The following ADAP1 variants were observed in gnomAD, a reference collection of about 807,000 sequenced individuals.
ADAP1 encodes the protein arf-GAP with dual PH domain-containing protein 1.
A neutral mutation model predicts 54.9 loss-of-function variants in ADAP1; 31 were observed. The ratio of observed to expected loss-of-function variants is 0.56; its 90% CI spans 0.42 to 0.76. The LOEUF (loss-of-function observed/expected upper bound fraction) is 0.76, where lower values mean the gene tolerates loss of function less well. ADAP1 is among the 30% of genes least tolerant of loss of function. The probability of loss-of-function intolerance (pLI) is 0.00; values close to 1 mark genes in which losing one functional copy is unlikely to be tolerated. For missense variants in ADAP1, 535 were observed against 512.4 expected (o/e 1.04, Z -0.42); for synonymous variants, 313 against 202.6 (o/e 1.55, Z -4.63).
chr7:941,027 ACT>A (rs1846926682), intron 1 of ADAP1, among the ~76,000 whole-genome samples: 1 of 152,068 alleles, frequency 6.6e-6, no homozygotes, highest in Non-Finnish European at 1.5e-5. Context: ...TCCTGATAAA[ACT>A]CTCAGAAAAC....
intron 2 of ADAP1, among the ~76,000 whole-genome samples, chr7:933,010 G>A (rs1036105844): frequency 1.3e-5 from 2 of 152,248 alleles, no homozygotes; most frequent in Admixed American, 6.5e-5. Context: ...GGTGGCTCAC[G>A]CCTGTCATCC....
In ADAP1 at chr7:900,620, G is replaced by GGGGCAAAGGTGGGCACAGGCTT. The variant is rs1554270283; in HGVS notation, c.649-26_649-5dup. On this transcript the variant is annotated splice_polypyrimidine_tract_variant and splice_region_variant and intron_variant, in intron 6 of 10. Coordinates refer to ENST00000265846, the MANE Select transcript of ADAP1 (RefSeq NM_006869.4). ...CATTGAACCAGTCCACAATCTCCTAGGGGCAAAGGTGGGCACAGGCTTGGG... is the reference window on the plus strand; with the variant it reads ...CATTGAACCAGTCCACAATCTCCTAGGGGCAAAGGTGGGCACAGGCTTGGGCAAAGGTGGGCACAGGCTTGGG... 7 of 1,515,818 alleles carry GGGGCAAAGGTGGGCACAGGCTT rather than the reference G, an allele frequency of 4.6e-6. No homozygotes were observed. In the South Asian group the frequency reaches 8.1e-5, roughly 18 times the overall value. The allele number at this position is 1,515,818 out of a possible 1,614,324, so 93.9% of individuals were successfully genotyped here.
At chr7:932,202 G>A (rs1583175106) in intron 2 of ADAP1, among the ~76,000 whole-genome samples, 2 of 152,288 alleles carry the variant, frequency 1.3e-5, no homozygotes, top group East Asian at 1.9e-4. Flanking sequence ...AGGCCCCATC[G>A]CACCAGACCT....
Position 914,858 on chromosome 7 carries a change from G to T in ADAP1, c.388+5110C>A, listed in dbSNP as rs377140349. 2.7e-3 allele frequency among the ~76,000 whole-genome samples: 412 copies of T among 152,172 alleles called. 3 individuals are homozygous for T. The highest frequency in any genetic ancestry group is 9.5e-3 in the African/African-American group (393 of 41,520). ...GGCCGTCTGAAGCAGCCAGGCCTTC[G>T]TGCCTACTGACCAGGCTGCAGGGGC... On this transcript the variant is annotated intron_variant, in intron 4 of 10. Transcript: ENST00000265846.
chr7:949,192 C>A (rs1335727354), intron 1 of ADAP1, among the ~76,000 whole-genome samples: 1 of 152,242 alleles, frequency 6.6e-6, no homozygotes, highest in Non-Finnish European at 1.5e-5. Context: ...AGGCGCCTTG[C>A]CCGCCGGAGT....
intron 2 of ADAP1, among the ~76,000 whole-genome samples, chr7:930,018 C>A (rs764802081): frequency 7.3e-6 from 1 of 137,284 alleles, no homozygotes; most frequent in African/African-American, 2.7e-5. Flanking sequence ...GTGAGAGGAT[C>A]GTTTGAGCCC....
chr7:951,795 T>G (rs754084710), intron 1 of ADAP1, among the ~76,000 whole-genome samples: 1 of 152,154 alleles, frequency 6.6e-6, no homozygotes, highest in African/African-American at 2.4e-5. Context: ...GGCCTGAGAC[T>G]CAAAGAGGAC....
At chr7:912,479 G>A (rs1308455720) in intron 4 of ADAP1, among the ~76,000 whole-genome samples, 1 of 152,314 alleles carries the variant, frequency 6.6e-6, no homozygotes, top group East Asian at 1.9e-4. Flanking sequence ...TTGGCCCAGG[G>A]AGGCGGCGCA....
At chr7:903,415 G>A (rs1471186586) in intron 6 of ADAP1, among the ~76,000 whole-genome samples, 2 of 152,262 alleles carry the variant, frequency 1.3e-5, no homozygotes, top group East Asian at 1.9e-4. Context: ...TGGATATGGG[G>A]ACCAATTCCC....
chr7:955,401 G>A (rs536152032), upstream of ADAP1: 3,355 of 1,549,908 alleles, frequency 2.2e-3, 9 homozygotes, highest in Non-Finnish European at 2.7e-3. Flanking sequence ...AAAACAAACT[G>A]GAACATACCA....
chr7:918,114 G>T (rs1273868447), intron 4 of ADAP1, among the ~76,000 whole-genome samples: 7 of 152,264 alleles, frequency 4.6e-5, no homozygotes, highest in Non-Finnish European at 1.0e-4. Flanking sequence ...TTTTAGTAGA[G>T]ACGGGGTTTC....
At position 899,415 on chromosome 7, in the gene ADAP1, T is replaced by A. The variant is rs768683085; in HGVS notation, c.867+4A>T. The A allele has an allele frequency of 6.2e-7, 1 of 1,613,022 alleles. No individual in the cohort carries two copies. On this transcript the variant is annotated splice_donor_region_variant and intron_variant, in intron 9 of 10. Coordinates refer to ENST00000265846, the MANE Select transcript of ADAP1 (RefSeq NM_006869.4). ...CCCGTGCTGGGGCCACAGCTCCTCC[T>A]TACCAGGGGGTCTTTGAAGTACATG...
intron 2 of ADAP1, 77 bp downstream of exon 2, chr7:935,298 G>A (rs1347154194): frequency 1.2e-5 from 18 of 1,514,400 alleles, no homozygotes; most frequent in Admixed American, 6.2e-5. Context: ...CAGGCCGCCC[G>A]GCATCTCTGG....
At position 946,221 on chromosome 7, in the gene ADAP1, T is replaced by C. The variant is rs536717405; in HGVS notation, c.82+8175A>G. ...TGTTTTCCGCATATTGTCTCCCAGT[T>C]ACCCGTGGCCCCTGCAGGGATCCAG... On this transcript the variant is annotated intron_variant, in intron 1 of 10. Coordinates refer to ENST00000265846, the MANE Select transcript of ADAP1 (RefSeq NM_006869.4). This position sits in a 1 kb window ranked among gnomAD's most constrained non-coding sequence, Gnocchi z 4.3. Among the ~76,000 whole-genome samples the C allele has an allele frequency of 6.6e-6, 1 of 152,172 alleles. No homozygotes were observed. Among genetic ancestry groups the C allele is most frequent in the South Asian group, 2.1e-4 (1 of 4,822 alleles).
intron 4 of ADAP1, among the ~76,000 whole-genome samples, chr7:908,336 T>C (rs918566706): frequency 6.6e-6 from 1 of 152,134 alleles, no homozygotes; most frequent in Non-Finnish European, 1.5e-5. Flanking sequence ...TCTGCTGAGA[T>C]GCAAGCCATA....
At position 946,034 on chromosome 7, in the gene ADAP1, G is replaced by A. The variant is rs1352272457; in HGVS notation, c.82+8362C>T. Reference sequence around the variant, plus strand: ...CGGGTCGGACGCTGGCTCTGGCCAGGCACGCAAGGGGCAGCCGAGGTGGGA... The same window carrying A: ...CGGGTCGGACGCTGGCTCTGGCCAGACACGCAAGGGGCAGCCGAGGTGGGA... On this transcript the variant is annotated intron_variant, in intron 1 of 10. Coordinates refer to ENST00000265846, the MANE Select transcript of ADAP1 (RefSeq NM_006869.4). The surrounding 1 kb of genome is among the most constrained non-coding windows in gnomAD (Gnocchi z 4.3). 6.6e-6 allele frequency among the ~76,000 whole-genome samples: 1 copy of A among 152,222 alleles called. No homozygotes were observed. The highest frequency in any genetic ancestry group is 1.9e-4 in the East Asian group (1 of 5,190).
chr7:951,399 G>A (rs1251739638), intron 1 of ADAP1, among the ~76,000 whole-genome samples: 3 of 150,768 alleles, frequency 2.0e-5, no homozygotes, highest in African/African-American at 4.9e-5. Context: ...ATCCAACCTA[G>A]TTGGGCCGCT....
At chr7:900,340 C>T (rs13223997) in intron 7 of ADAP1, among the ~76,000 whole-genome samples, 176 bp from the exon 8 acceptor site, 2 of 152,180 alleles carry the variant, frequency 1.3e-5, no homozygotes, top group Non-Finnish European at 2.9e-5. Context: ...TCCCTCCCCG[C>T]TTTCCCCTTT....
chr7:944,543 C>T (rs1002048838), intron 1 of ADAP1, among the ~76,000 whole-genome samples: 2 of 152,104 alleles, frequency 1.3e-5, no homozygotes, highest in Non-Finnish European at 2.9e-5. Flanking sequence ...CCTGAGCCAC[C>T]GAGCCCGGCC....
Sources: allele counts gnomAD v4.1 joint callset (sites outside exome capture counted in the v4.1 genomes callset), GRCh38; gene constraint gnomAD v4.1.1; non-coding constraint Gnocchi (gnomAD v3.1); transcripts MANE v1.5; gene names NCBI Gene and HGNC (gene_info 2026-07-23, HGNC 2026-07-21).